CDH5: variants seen among roughly 807,000 people sequenced by gnomAD.
CDH5 encodes the protein cadherin 5.
Under a neutral mutation model 62.0 loss-of-function variants are expected in CDH5, and 28 were observed. That is an observed-to-expected ratio of 0.45 (90% CI 0.33 to 0.62). The LOEUF (loss-of-function observed/expected upper bound fraction) is 0.62, where lower values mean the gene tolerates loss of function less well. Among genes scored for constraint, CDH5 ranks in the 20% least tolerant of loss-of-function variants. CDH5 has a pLI of 0.02. For missense variants in CDH5, 940 were observed against 1,065.1 expected, an observed-to-expected ratio of 0.88 and a Z score of 1.63; for synonymous variants, 464 against 445.8, an observed-to-expected ratio of 1.04 and a Z score of -0.52.
intron 7 of CDH5, 57 bp downstream of exon 7, chr16:66,392,440 T>G: frequency 1.2e-6 from 2 of 1,601,072 alleles, no homozygotes; most frequent in Non-Finnish European, 1.7e-6. Context: ...GATGTTCCTA[T>G]GCCTGCTGGT....
chr16:66,372,936 C>G lies in CDH5; in HGVS notation c.-20+6178C>G, dbSNP rs528727804. ...TGCCCCCAAACCCTCTCACATGGCT[C>G]TGGGGACAGCAGCATCGATAAGCAT... On this transcript the variant is annotated intron_variant, in intron 1 of 11. Coordinates refer to ENST00000341529, the MANE Select transcript of CDH5 (RefSeq NM_001795.5). Among the ~76,000 whole-genome samples the G allele has an allele frequency of 1.8e-3, 272 of 152,332 alleles. 2 individuals are homozygous for G. The highest frequency in any genetic ancestry group is 6.3e-3 in the African/African-American group (262 of 41,592).
chr16:66,385,660 G>T (rs1329636109), intron 2 of CDH5, among the ~76,000 whole-genome samples: 3 of 152,138 alleles, frequency 2.0e-5, no homozygotes, highest in Admixed American at 1.3e-4. Context: ...GCCAAGACAA[G>T]ACAGGAGAAG....
chr16:66,368,761 G>A (rs555815598), intron 1 of CDH5, among the ~76,000 whole-genome samples: 7 of 152,254 alleles, frequency 4.6e-5, no homozygotes, highest in East Asian at 1.9e-4. Flanking sequence ...GGGTGAGTGC[G>A]GTTCCTTCTG....
In CDH5 at chr16:66,379,414, C is replaced by G. The variant is rs1263569279; in HGVS notation, c.77C>G (p.Ala26Gly). 6.2e-7 allele frequency: 1 copy of G among 1,614,166 alleles called. No homozygotes were observed. Among genetic ancestry groups the G allele is most frequent in the Non-Finnish European group, 8.5e-7 (1 of 1,180,034 alleles). ...CTGGCAGTGGCAGCAGTGGCAGCAG[C>G]AGGTGCTAACCCTGCCCAACGGGAC... is the stretch of plus-strand genomic sequence containing the variant. ...GLLAVAAVAA[A>G]GANPAQRDTH... The change falls in exon 2 of 12, where the codon GCA (alanine) becomes GGA (glycine). Residue 26 changes from alanine to glycine, a missense_variant. Transcript: ENST00000341529.
At chr16:66,369,590 G>GTCCCTGACAT (rs1299130194) in intron 1 of CDH5, among the ~76,000 whole-genome samples, 4 of 152,182 alleles carry the variant, frequency 2.6e-5, no homozygotes, top group African/African-American at 9.7e-5. Flanking sequence ...TGCCCTGACA[G>GTCCCTGACAT]TCCCAGACAA....
At chr16:66,393,239 C>G (rs936954072) in intron 7 of CDH5, among the ~76,000 whole-genome samples, 1 of 152,144 alleles carries the variant, frequency 6.6e-6, no homozygotes. Context: ...CTGTATATAC[C>G]TGTATCTACT....
chr16:66,368,889 A>C (rs1960635190), intron 1 of CDH5, among the ~76,000 whole-genome samples: 1 of 152,160 alleles, frequency 6.6e-6, no homozygotes, highest in African/African-American at 2.4e-5. Context: ...AGGGGAAGGA[A>C]TGTTCTAGGA....
chr16:66,395,876 T>A (rs1961175640), intron 7 of CDH5, 183 bp from the exon 8 acceptor site: 1 of 558,002 alleles, frequency 1.8e-6, no homozygotes, highest in African/African-American at 1.9e-5. Context: ...GACATTATCT[T>A]GCTATCCTGA....
At chr16:66,375,694 T>C (rs1434130363) in intron 1 of CDH5, among the ~76,000 whole-genome samples, 4 of 152,076 alleles carry the variant, frequency 2.6e-5, no homozygotes, top group African/African-American at 9.7e-5. Context: ...TACTGTAGAC[T>C]TAATAAACAC....
rs186063639 is a variant in CDH5, at chr16:66,400,726, C to T, written c.1592-45C>T. On this transcript the variant is annotated intron_variant, in intron 10 of 11. Transcript: ENST00000341529. Reference sequence around the variant, plus strand: ...TCCTGGAGGAGCCAGGTTTCCCCATCTGTGCAGATGGCAAAGCCTGACTCC... The same window carrying T: ...TCCTGGAGGAGCCAGGTTTCCCCATTTGTGCAGATGGCAAAGCCTGACTCC... The T allele has an allele frequency of 2.2e-5, 36 of 1,613,526 alleles. 1 individual carries two copies. The Admixed American group carries it at 4.8e-4, about 22-fold the overall frequency.
intron 2 of CDH5, among the ~76,000 whole-genome samples, chr16:66,384,356 AG>A (rs1378404015): frequency 3.3e-5 from 5 of 151,536 alleles, no homozygotes; most frequent in Non-Finnish European, 5.9e-5. Flanking sequence ...GGACTCCCAA[AG>A]TGCTGGGATT....
At chr16:66,397,895 A>G (rs1961213315) in intron 8 of CDH5, 87 bp from the exon 9 acceptor site, 1 of 1,555,124 alleles carries the variant, frequency 6.4e-7, no homozygotes, top group African/African-American at 1.4e-5. Flanking sequence ...AGTGGCCTCC[A>G]TAGGGCAGCC....
intron 1 of CDH5, among the ~76,000 whole-genome samples, chr16:66,375,799 T>C (rs909968465): frequency 2.0e-5 from 3 of 151,852 alleles, no homozygotes; most frequent in East Asian, 3.9e-4. Context: ...GTAATTGCTG[T>C]TGTTGCCGTC....
At chr16:66,395,325 TAAGG>T (rs924473426) in intron 7 of CDH5, 17 of 151,592 alleles carry the variant, frequency 1.1e-4, no homozygotes, top group African/African-American at 4.1e-4. Context: ...TCTTTCCTCA[TAAGG>T]AAATTATTTC....
chr16:66,371,311 G>A (rs1960684842), intron 1 of CDH5, among the ~76,000 whole-genome samples: 1 of 152,126 alleles, frequency 6.6e-6, no homozygotes, highest in Non-Finnish European at 1.5e-5. Flanking sequence ...GGCCACACAC[G>A]GAGCTGGGTC....
intron 2 of CDH5, among the ~76,000 whole-genome samples, chr16:66,382,482 G>A (rs950412309): frequency 1.3e-5 from 2 of 152,038 alleles, no homozygotes; most frequent in East Asian, 2.0e-4. Flanking sequence ...GGAAAATGTC[G>A]TCAATCCACC....
intron 1 of CDH5, chr16:66,377,355 C>T (rs1031053705): frequency 6.6e-6 from 1 of 152,268 alleles, no homozygotes. Context: ...CTCTCCCAGG[C>T]ATATGGCACT....
intron 1 of CDH5, among the ~76,000 whole-genome samples, chr16:66,370,579 C>T (rs942565413): frequency 1.3e-5 from 2 of 152,176 alleles, no homozygotes; most frequent in Non-Finnish European, 2.9e-5. Flanking sequence ...GGCAGCACGT[C>T]CAGGTCTAGG....
chr16:66,386,267 T>C (rs962351966), intron 2 of CDH5, among the ~76,000 whole-genome samples: 54 of 133,076 alleles, frequency 4.1e-4, no homozygotes, highest in African/African-American at 1.7e-3. Context: ...TCAGAGGTTC[T>C]TTTTTTTTTT....
Sources: allele counts gnomAD v4.1 joint callset (sites outside exome capture counted in the v4.1 genomes callset), GRCh38; gene constraint gnomAD v4.1.1; transcripts MANE v1.5; gene names NCBI Gene and HGNC (gene_info 2026-07-23, HGNC 2026-07-21).